ASB3: variants seen among roughly 807,000 people sequenced by gnomAD.
ASB3 encodes ankyrin repeat and SOCS box containing 3, also known as ankyrin repeat and SOCS box protein 3.
Under a neutral mutation model 54.5 loss-of-function variants are expected in ASB3, and 41 were observed. The observed-to-expected ratio is 0.75, with a 90% CI of 0.59 to 0.98. ASB3 has a LOEUF of 0.98. Ranked by LOEUF, ASB3 falls within the 50% of genes least tolerant of loss-of-function variation. The pLI is 0.00. For synonymous variants in ASB3, 266 were observed against 221.2 expected, an observed-to-expected ratio of 1.20 and a Z score of -1.80; for missense variants, 733 against 620.0, an observed-to-expected ratio of 1.18 and a Z score of -1.94.
At chr2:53,721,275 C>T (rs370802713) in intron 5 of ASB3, among the ~76,000 whole-genome samples, 2 of 151,428 alleles carry the variant, frequency 1.3e-5, no homozygotes, top group East Asian at 3.9e-4. Context: ...TTGCTCTTGG[C>T]TGGGCACAGT....
At chr2:53,726,070 G>A (rs1414510044) in intron 5 of ASB3, among the ~76,000 whole-genome samples, 1 of 151,888 alleles carries the variant, frequency 6.6e-6, no homozygotes, top group Non-Finnish European at 1.5e-5. Context: ...AATAGGGGTT[G>A]GAAACATGTA....
intron 1 of ASB3, among the ~76,000 whole-genome samples, chr2:53,769,301 A>T (rs965333918): frequency 6.6e-6 from 1 of 152,234 alleles, no homozygotes; most frequent in South Asian, 2.1e-4. Context: ...GCTTGAGGCC[A>T]GGAGTTTGAG....
At position 53,716,687 on chromosome 2, in the gene ASB3, G is replaced by A. The variant is rs771796186; in HGVS notation, c.661C>T (p.Gln221Ter). The change falls in exon 6 of 10, where the codon CAA becomes TAA. Residue 221 changes from glutamine to a stop codon, truncating the protein, a stop_gained. Transcript: ENST00000263634. LOFTEE classifies it high-confidence loss of function. ...DKATPLFIAAQEGHTKCVELL... is the reference protein window; with the variant it reads ...DKATPLFIAA ...TCCACACATTTTGTGTGTCCCTCTT[G>A]AGCAGCAATGAACAAGGGTGTAGCT... The A allele has an allele frequency of 6.2e-7, 1 of 1,614,028 alleles. No individual in the cohort carries two copies. The highest frequency in any genetic ancestry group is 8.5e-7 in the Non-Finnish European group (1 of 1,179,996).
At chr2:53,776,307 AATTT>A (rs1051592165) in intron 1 of ASB3, among the ~76,000 whole-genome samples, 1 of 152,186 alleles carries the variant, frequency 6.6e-6, no homozygotes, top group African/African-American at 2.4e-5. Context: ...AAGGGTGATA[AATTT>A]ATTAAATTTC....
intron 1 of ASB3, chr2:53,767,606 A>C (rs1388219116): frequency 1.3e-5 from 5 of 392,346 alleles, no homozygotes; most frequent in Admixed American, 3.8e-5. Context: ...CGGGCACTAA[A>C]GGTAGGTTAG....
At chr2:53,672,320 T>C (rs1325703706) in intron 9 of ASB3, among the ~76,000 whole-genome samples, 1 of 152,294 alleles carries the variant, frequency 6.6e-6, no homozygotes, top group East Asian at 1.9e-4. Context: ...ATTTCTAACT[T>C]TTTTCATATC....
rs1672476850 is a variant in ASB3 at position 53,750,890 on chromosome 2, A to G, written c.248T>C (p.Leu83Ser). 6.2e-7 allele frequency: 1 copy of G among 1,601,926 alleles called. No individual in the cohort carries two copies. The change falls in exon 3 of 10, where the codon TTG becomes TCG. Residue 83 changes from leucine (L) to serine (S), a missense_variant. Leu to Ser is a moderately radical substitution (Grantham distance 145). Coordinates refer to ENST00000263634, the MANE Select transcript of ASB3 (RefSeq NM_016115.5). Reference sequence around the variant, plus strand: ...ATGTCCTTGACTTGCAGCGAGATGCAAAGCACAGAAACCTTCAAAGGTCTT... The same window carrying G: ...ATGTCCTTGACTTGCAGCGAGATGCGAAGCACAGAAACCTTCAAAGGTCTT... The part of the protein sequence containing the change: ...KMKTFEGFCA[L>S]HLAASQGHWK...
chr2:53,767,806 T>G, intron 1 of ASB3: 1 of 1,519,826 alleles, frequency 6.6e-7, no homozygotes, highest in Non-Finnish European at 8.9e-7. Context: ...GGCCGGTTAC[T>G]CGCTTACCGG....
intron 3 of ASB3, among the ~76,000 whole-genome samples, chr2:53,739,424 A>G (rs1671812821): frequency 6.6e-6 from 1 of 152,244 alleles, no homozygotes; most frequent in African/African-American, 2.4e-5. Context: ...AAATCTAACT[A>G]GAAATAGTAA....
intron 9 of ASB3, among the ~76,000 whole-genome samples, chr2:53,672,258 C>A (rs1572814208): frequency 1.3e-5 from 2 of 152,078 alleles, no homozygotes; most frequent in East Asian, 3.8e-4. Flanking sequence ...TCATAGATTC[C>A]CTATTATAAA....
chr2:53,761,149 G>C (rs1285972099), intron 2 of ASB3, among the ~76,000 whole-genome samples: 1 of 152,162 alleles, frequency 6.6e-6, no homozygotes, highest in Non-Finnish European at 1.5e-5. Flanking sequence ...GAATTCCTAA[G>C]CCTAGCTGGG....
At chr2:53,690,461 A>G (rs1348938653) in intron 9 of ASB3, among the ~76,000 whole-genome samples, 1 of 152,170 alleles carries the variant, frequency 6.6e-6, no homozygotes, top group African/African-American at 2.4e-5. Context: ...TGGTATGATA[A>G]CAACAGTCCA....
chr2:53,772,006 T>C, intron 1 of ASB3: 1 of 908,442 alleles, frequency 1.1e-6, no homozygotes, highest in Non-Finnish European at 1.7e-6. Context: ...TGTTTCTGTT[T>C]CAATTTGATT....
At chr2:53,742,623 A>C (rs190614899) in intron 3 of ASB3, among the ~76,000 whole-genome samples, 3 of 152,302 alleles carry the variant, frequency 2.0e-5, no homozygotes, top group Non-Finnish European at 4.4e-5. Context: ...ATATAATTTA[A>C]ACTGAATTCA....
At chr2:53,685,593 A>G (rs1217384097) in intron 9 of ASB3, among the ~76,000 whole-genome samples, 1 of 152,234 alleles carries the variant, frequency 6.6e-6, no homozygotes, top group Non-Finnish European at 1.5e-5. Context: ...AACAGCCACT[A>G]AGAAGCAAGT....
At chr2:53,729,654 T>A in intron 3 of ASB3, 84 bp from the exon 4 acceptor site, 1 of 1,151,892 alleles carries the variant, frequency 8.7e-7, no homozygotes, top group Non-Finnish European at 1.3e-6. Context: ...TCTCATCACT[T>A]ACTCACCTCA....
intron 3 of ASB3, among the ~76,000 whole-genome samples, chr2:53,741,983 G>T (rs545709036): frequency 1.5e-4 from 23 of 152,232 alleles, no homozygotes; most frequent in African/African-American, 5.5e-4. Flanking sequence ...GAAAAAGCTA[G>T]CAAAGAACAC....
At chr2:53,730,965 A>G (rs1671273549) in intron 3 of ASB3, among the ~76,000 whole-genome samples, 1 of 152,220 alleles carries the variant, frequency 6.6e-6, no homozygotes, top group Admixed American at 6.5e-5. Context: ...GGGAATATAA[A>G]AATCCTTAAA....
intron 5 of ASB3, among the ~76,000 whole-genome samples, chr2:53,726,257 A>T (rs1217914358): frequency 1.5e-5 from 2 of 135,488 alleles, no homozygotes; most frequent in East Asian, 2.2e-4. Flanking sequence ...TTTAATCTAA[A>T]TTTTTTTTTT....
Sources: gnomAD v4.1 joint callset for allele counts (sites outside exome capture counted in the v4.1 genomes callset) on GRCh38, gnomAD v4.1.1 for gene constraint, MANE v1.5 for transcripts, NCBI Gene and HGNC (gene_info 2026-07-23, HGNC 2026-07-21) for gene names.